KCNQ5: variants seen among roughly 807,000 people sequenced by gnomAD.
The protein encoded by KCNQ5 is potassium voltage-gated channel subfamily KQT member 5.
KCNQ5 carries 30 observed loss-of-function variants against 98.2 expected under a neutral mutation model. The ratio of observed to expected loss-of-function variants is 0.31; its 90% CI spans 0.23 to 0.41. The LOEUF is 0.41. KCNQ5 is among the 10% of genes least tolerant of loss of function. The pLI, the probability that KCNQ5 is intolerant of heterozygous loss-of-function variation, is 1.00. For missense variants in KCNQ5, 835 were observed against 1,182.5 expected, an observed-to-expected ratio of 0.71 and a Z score of 4.31; for synonymous variants, 458 against 449.4, an observed-to-expected ratio of 1.02 and a Z score of -0.24.
chr6:73,105,448 T>G (rs891299647), intron 6 of KCNQ5, 81 bp downstream of exon 6: 15 of 752,534 alleles, frequency 2.0e-5, no homozygotes, highest in Non-Finnish European at 3.3e-5. Context: ...ATTCGTATGC[T>G]TGGGAACATA....
intron 1 of KCNQ5, among the ~76,000 whole-genome samples, chr6:72,706,264 G>A (rs1270680560): frequency 6.6e-6 from 1 of 151,824 alleles, no homozygotes; most frequent in African/African-American, 2.4e-5. Context: ...CATGCTTTGA[G>A]TACAAATTCT....
chr6:73,002,220 G>C (rs1203052363), intron 1 of KCNQ5, among the ~76,000 whole-genome samples: 1 of 152,196 alleles, frequency 6.6e-6, no homozygotes, highest in Admixed American at 6.5e-5. Context: ...TCCTCTTGGA[G>C]CCTTCTGTTT....
At chr6:72,878,975 T>C (rs1778528364) in intron 1 of KCNQ5, among the ~76,000 whole-genome samples, 1 of 152,226 alleles carries the variant, frequency 6.6e-6, no homozygotes. Flanking sequence ...TAAATCATAA[T>C]GTTATAGTCA....
chr6:72,665,096 C>T (rs1766731575), intron 1 of KCNQ5, among the ~76,000 whole-genome samples: 1 of 152,040 alleles, frequency 6.6e-6, no homozygotes, highest in Non-Finnish European at 1.5e-5. Flanking sequence ...GCCTGTAATC[C>T]CAGCACTTTG....
At chr6:72,955,223 G>GTCCATTCTTATC (rs1240564512) in intron 1 of KCNQ5, among the ~76,000 whole-genome samples, 3 of 152,114 alleles carry the variant, frequency 2.0e-5, no homozygotes, top group African/African-American at 7.2e-5. Flanking sequence ...GAACCTGCTT[G>GTCCATTCTTATC]TCCATTCTTA....
chr6:73,172,968 T>C (rs775895701), intron 11 of KCNQ5, among the ~76,000 whole-genome samples: 1 of 152,226 alleles, frequency 6.6e-6, no homozygotes, highest in Non-Finnish European at 1.5e-5. Context: ...TCAATATTTT[T>C]TAAACATCTG....
intron 1 of KCNQ5, among the ~76,000 whole-genome samples, chr6:72,832,306 C>G (rs779646692): frequency 6.6e-6 from 1 of 151,978 alleles, no homozygotes; most frequent in Non-Finnish European, 1.5e-5. Flanking sequence ...TTGTTTTTAC[C>G]TAAATTTTAA....
At chr6:72,772,238 G>A (rs1159955095) in intron 1 of KCNQ5, among the ~76,000 whole-genome samples, 3 of 152,058 alleles carry the variant, frequency 2.0e-5, no homozygotes, top group Admixed American at 2.0e-4. Context: ...ATACATCGAT[G>A]CAAAAGATCA....
chr6:72,734,998 T>C (rs773006872), intron 1 of KCNQ5, among the ~76,000 whole-genome samples: 4 of 152,168 alleles, frequency 2.6e-5, no homozygotes, highest in Non-Finnish European at 5.9e-5. Context: ...TGTAACTCAG[T>C]CTCTAAGCCT....
Position 72,825,491 on chromosome 6 carries a change from A to G in KCNQ5, c.399-178417A>G, listed in dbSNP as rs73756532. ...TGCCAGAATGAGTCACTGAGTGCAGACTGGAACTGGGAACAGGAACAGTTA... is the reference window on the plus strand; with the variant it reads ...TGCCAGAATGAGTCACTGAGTGCAGGCTGGAACTGGGAACAGGAACAGTTA... On this transcript the variant is annotated intron_variant, in intron 1 of 13. Transcript: ENST00000370398. Among the ~76,000 whole-genome samples the G allele has an allele frequency of 2.6e-3, 396 of 152,328 alleles. 1 individual carries two copies. Among genetic ancestry groups the G allele is most frequent in the African/African-American group, 9.1e-3 (380 of 41,586 alleles).
At chr6:72,713,340 G>C (rs1193499424) in intron 1 of KCNQ5, among the ~76,000 whole-genome samples, 3 of 152,090 alleles carry the variant, frequency 2.0e-5, no homozygotes, top group Non-Finnish European at 4.4e-5. Context: ...CCTCTGAAAG[G>C]CTTTTCCTAT....
chr6:72,891,493 C>T (rs1779056345), intron 1 of KCNQ5, among the ~76,000 whole-genome samples: 1 of 152,100 alleles, frequency 6.6e-6, no homozygotes, highest in South Asian at 2.1e-4. Flanking sequence ...TCACTATTAA[C>T]CATGGCTAAA....
At chr6:72,698,860 T>G (rs928306054) in intron 1 of KCNQ5, among the ~76,000 whole-genome samples, 1 of 151,920 alleles carries the variant, frequency 6.6e-6, no homozygotes, top group Admixed American at 6.6e-5. Flanking sequence ...GGTCTTGCTG[T>G]GTTGCCCAGG....
intron 1 of KCNQ5, among the ~76,000 whole-genome samples, chr6:72,995,368 CAAAAAA>C (rs376273426): frequency 1.4e-5 from 1 of 70,196 alleles, no homozygotes. Flanking sequence ...AACTCTGTCT[CAAAAAA>C]AAAAAAAAAA....
At chr6:72,648,043 T>C (rs949829445) in intron 1 of KCNQ5, among the ~76,000 whole-genome samples, 1 of 152,130 alleles carries the variant, frequency 6.6e-6, no homozygotes, top group Non-Finnish European at 1.5e-5. Context: ...CAATCTTGTA[T>C]GAAAGTTGAG....
intron 10 of KCNQ5, chr6:73,157,622 G>C (rs1777420462): frequency 1.3e-6 from 1 of 773,608 alleles, no homozygotes; most frequent in South Asian, 1.4e-5. Flanking sequence ...AGCTGGGTAG[G>C]TGAACGCAGC....
chr6:72,655,551 A>T (rs1766146981), intron 1 of KCNQ5, among the ~76,000 whole-genome samples: 1 of 152,090 alleles, frequency 6.6e-6, no homozygotes, highest in South Asian at 2.1e-4. Flanking sequence ...CAGGCTCCGG[A>T]TGAGGAACAA....
At chr6:72,624,378 C>G (rs1305071081) in intron 1 of KCNQ5, among the ~76,000 whole-genome samples, 2 of 152,116 alleles carry the variant, frequency 1.3e-5, no homozygotes, top group Non-Finnish European at 2.9e-5. Flanking sequence ...ACAGTATGCT[C>G]AAAACATTTC....
At chr6:73,086,768 T>C (rs1224830853) in intron 5 of KCNQ5, among the ~76,000 whole-genome samples, 1 of 152,226 alleles carries the variant, frequency 6.6e-6, no homozygotes, top group Non-Finnish European at 1.5e-5. Context: ...GTTAATGTTA[T>C]TACGAAACAA....
Sources: gnomAD v4.1 joint callset for allele counts (sites outside exome capture counted in the v4.1 genomes callset) on GRCh38, gnomAD v4.1.1 for gene constraint, MANE v1.5 for transcripts, NCBI Gene and HGNC (gene_info 2026-07-23, HGNC 2026-07-21) for gene names.